Variants in GCGR observed in about 807,000 individuals in gnomAD.
GCGR encodes glucagon receptor.
GCGR carries 41 observed loss-of-function variants against 56.1 expected under a neutral mutation model. The observed-to-expected ratio is 0.73, with a 90% CI of 0.57 to 0.95. The LOEUF is 0.95. GCGR is among the 40% of genes least tolerant of loss of function. The pLI is 0.00. For missense variants in GCGR, 595 were observed against 638.2 expected (o/e 0.93, Z 0.73); for synonymous variants, 278 against 271.1 (o/e 1.03, Z -0.25).
chr17:81,811,161 G>A lies in GCGR; in HGVS notation c.393+30G>A, dbSNP rs773224259. 2.0e-6 allele frequency: 3 copies of A among 1,536,058 alleles called. No individual in the cohort carries two copies. The highest frequency in any genetic ancestry group is 2.4e-5 in the East Asian group (1 of 40,908). On this transcript the variant is annotated intron_variant, in intron 5 of 13. Coordinates refer to ENST00000400723, the MANE Select transcript of GCGR (RefSeq NM_000160.5). This position sits in a 1 kb window ranked among gnomAD's most constrained non-coding sequence, Gnocchi z 5.8. ...GTGGGCGGCAGGCAGGCGCGGTGGGGCTGGATGGGAACGGGCATGGGGGCC... is the reference window on the plus strand; with the variant it reads ...GTGGGCGGCAGGCAGGCGCGGTGGGACTGGATGGGAACGGGCATGGGGGCC...
In GCGR at chr17:81,813,398, A is replaced by C; in HGVS notation, c.1219-76A>C. On this transcript the variant is annotated intron_variant, in intron 13 of 13. Transcript: ENST00000400723. This position sits in a 1 kb window ranked among gnomAD's most constrained non-coding sequence, Gnocchi z 5.3. ...GAGCGGAGACTGGGCATCTCCGATG[A>C]GGCCCACAGCAGGTCCCGGTGGGGT... The C allele has an allele frequency of 1.5e-6, 2 of 1,346,368 alleles. No individual in the cohort carries two copies. Among genetic ancestry groups the C allele is most frequent in the Non-Finnish European group, 1.0e-6 (1 of 985,204 alleles). The allele number at this position is 1,346,368 out of a possible 1,614,324, so 83.4% of individuals were successfully genotyped here. A position where few individuals can be genotyped will look rare whatever the true frequency, so the allele number is the denominator to read the frequency against.
In GCGR at chr17:81,813,440, C is replaced by T; in HGVS notation, c.1219-34C>T. Reference sequence around the variant, plus strand: ...CGGTGGGGTGGAGAGGACAGGCAGGCCCTAGGACTGGCCTGCCCCGTCCCC... The same window carrying T: ...CGGTGGGGTGGAGAGGACAGGCAGGTCCTAGGACTGGCCTGCCCCGTCCCC... On this transcript the variant is annotated intron_variant, in intron 13 of 13. Transcript: ENST00000400723. This position sits in a 1 kb window ranked among gnomAD's most constrained non-coding sequence, Gnocchi z 5.3. 1 of 1,525,192 alleles carries T rather than the reference C, an allele frequency of 6.6e-7. No individual in the cohort carries two copies. Among genetic ancestry groups the T allele is most frequent in the Non-Finnish European group, 8.8e-7 (1 of 1,139,268 alleles). 94.5% of individuals were successfully genotyped at this position (1,525,192 alleles called of 1,614,324 possible). A position where few individuals can be genotyped will look rare whatever the true frequency, so the allele number is the denominator to read the frequency against.
At position 81,806,748 on chromosome 17, in the gene GCGR, C is replaced by A. The variant is rs1250289842; in HGVS notation, c.-177-2094C>A. 6.6e-6 allele frequency among the ~76,000 whole-genome samples: 1 copy of A among 151,608 alleles called. No homozygotes were observed. The highest frequency in any genetic ancestry group is 1.5e-5 in the Non-Finnish European group (1 of 67,906). On this transcript the variant is annotated intron_variant, in intron 1 of 13. Transcript: ENST00000400723. This position sits in a 1 kb window ranked among gnomAD's most constrained non-coding sequence, Gnocchi z 6.5. ...GGGCTGTCATTTTGCCCAGGGAGCT[C>A]CTGGCTGGGTGGTCCTCCCCCCAGG...
intron 1 of GCGR, among the ~76,000 whole-genome samples, chr17:81,805,856 C>A (rs144058183): frequency 6.6e-6 from 1 of 152,152 alleles, no homozygotes; most frequent in Non-Finnish European, 1.5e-5. Context: ...ACTGTGGCCC[C>A]GGGGAGCCCC....
Position 81,810,788 on chromosome 17 carries a change from C to CCTGCCCTGCT in GCGR, c.164-27_164-18dup, listed in dbSNP as rs758637304. The CCTGCCCTGCT allele has an allele frequency of 2.3e-5, 35 of 1,525,298 alleles. No individual in the cohort carries two copies. The South Asian group carries it at 2.7e-4, about 12-fold the overall frequency. 94.5% of individuals were successfully genotyped at this position (1,525,298 alleles called of 1,614,324 possible). On this transcript the variant is annotated intron_variant, in intron 3 of 13. Transcript: ENST00000400723. The surrounding 1 kb of genome is among the most constrained non-coding windows in gnomAD (Gnocchi z 4.6). ...GAGGGAGCCCCTTCTCCCACCCTGC[C>CCTGCCCTGCT]CTGCCCTGCTCTGCCCTGCCCTACC...
intron 1 of GCGR, 82 bp from the exon 2 acceptor site, chr17:81,808,760 C>T: frequency 1.8e-6 from 1 of 559,724 alleles, no homozygotes; most frequent in Non-Finnish European, 3.2e-6. Flanking sequence ...ACCTCGTGAT[C>T]CACCCCCCTC....
chr17:81,805,330 G>A (rs2037934804), intron 1 of GCGR: 2 of 153,710 alleles, frequency 1.3e-5, no homozygotes, highest in Non-Finnish European at 1.5e-5. Context: ...GAGGACATGG[G>A]ACAGGACACG....
chr17:81,809,119 G>A, intron 2 of GCGR, 41 bp downstream of exon 2: 1 of 1,528,454 alleles, frequency 6.5e-7, no homozygotes, highest in Non-Finnish European at 8.8e-7. Flanking sequence ...GGGCCCTCCT[G>A]TGAGGACTGC....
In GCGR at chr17:81,810,932, G is replaced by T; in HGVS notation, c.271G>T (p.Val91Leu). Reference sequence around the variant, plus strand: ...CTGGTACCTGCCTTGGCACCACAAAGGTACCCATAGAGGGGAGGAACTGTG... The same window carrying T: ...CTGGTACCTGCCTTGGCACCACAAATGTACCCATAGAGGGGAGGAACTGTG... ...CPWYLPWHHK[V>L]QHRFVFKRCG... Residue 91 changes from valine to leucine, a missense_variant and splice_region_variant, in exon 4 of 14, where the codon GTG (valine) becomes TTG (leucine). By Grantham distance (32) the Val-to-Leu change is conservative. Transcript: ENST00000400723. This position sits in a 1 kb window ranked among gnomAD's most constrained non-coding sequence, Gnocchi z 4.6. The T allele has an allele frequency of 6.5e-7, 1 of 1,536,450 alleles. No homozygotes were observed. The highest frequency in any genetic ancestry group is 2.4e-5 in the East Asian group (1 of 40,912).
At chr17:81,808,771 G>A (rs893200196) in intron 1 of GCGR, 71 bp from the exon 2 acceptor site, 23 of 567,212 alleles carry the variant, frequency 4.1e-5, no homozygotes, top group Non-Finnish European at 6.6e-5. Flanking sequence ...CACCCCCCTC[G>A]GCCTCCCAAA....
chr17:81,811,183 G>C lies in GCGR; in HGVS notation c.394-39G>C. On this transcript the variant is annotated intron_variant, in intron 5 of 13. Transcript: ENST00000400723. This position sits in a 1 kb window ranked among gnomAD's most constrained non-coding sequence, Gnocchi z 5.8. ...GGGGCTGGATGGGAACGGGCATGGG[G>C]GCCCCTGCCTGGCCCTCACAGGCCA... 6.5e-7 allele frequency: 1 copy of C among 1,536,112 alleles called. No homozygotes were observed. The highest frequency in any genetic ancestry group is 2.4e-5 in the East Asian group (1 of 40,918).
chr17:81,811,376 G>A lies in GCGR; in HGVS notation c.501-28G>A. ...GGCGGCCGCAGAGGACAGGGAGGAG[G>A]ACGGGCGCTGACTGGCTGTGCCCAC... is the stretch of plus-strand genomic sequence containing the variant. On this transcript the variant is annotated intron_variant, in intron 6 of 13. Coordinates refer to ENST00000400723, the MANE Select transcript of GCGR (RefSeq NM_000160.5). The surrounding 1 kb of genome is among the most constrained non-coding windows in gnomAD (Gnocchi z 5.8). The A allele has an allele frequency of 1.3e-6, 2 of 1,535,808 alleles. No individual in the cohort carries two copies. The highest frequency in any genetic ancestry group is 8.7e-7 in the Non-Finnish European group (1 of 1,146,464).
rs1458636561 is a variant in GCGR at position 81,813,035 on chromosome 17, T to C, written c.1196T>C (p.Leu399Pro). The change falls in exon 13 of 14, where the codon CTC becomes CCC. Residue 399 changes from leucine (L) to proline (P), a missense_variant. Coordinates refer to ENST00000400723, the MANE Select transcript of GCGR (RefSeq NM_000160.5). The surrounding 1 kb of genome is among the most constrained non-coding windows in gnomAD (Gnocchi z 5.3). ...SSFQGLLVAV[L>P]YCFLNKEVQS... ...CTCCAGGGCCTGCTGGTGGCTGTCC[T>C]CTACTGCTTCCTCAACAAGGAGGTA... 45 of 1,536,382 alleles carry C rather than the reference T, an allele frequency of 2.9e-5. No individual in the cohort carries two copies. The highest frequency in any genetic ancestry group is 3.8e-5 in the Non-Finnish European group (44 of 1,146,832).
At position 81,806,517 on chromosome 17, in the gene GCGR, C is replaced by A. The variant is rs1279931610; in HGVS notation, c.-178+2268C>A. Among the ~76,000 whole-genome samples, 1 of 152,204 alleles carries A rather than the reference C, an allele frequency of 6.6e-6. No individual in the cohort carries two copies. Among genetic ancestry groups the A allele is most frequent in the African/African-American group, 2.4e-5 (1 of 41,444 alleles). ...AAGAAAGGCCTGGGGGACTGGGCAG[C>A]CAACCCCTCCCTCGGCTCGCTGGGG... On this transcript the variant is annotated intron_variant, in intron 1 of 13. Transcript: ENST00000400723. This position sits in a 1 kb window ranked among gnomAD's most constrained non-coding sequence, Gnocchi z 6.5.
In GCGR at chr17:81,804,440, A is replaced by C. The variant is rs1423316230; in HGVS notation, c.-178+191A>C. ...CGTTCCCAACCCCGGCTCGGACACC[A>C]CCCGGTCCTGCACCGTCGGGCAGGT... On this transcript the variant is annotated intron_variant, in intron 1 of 13. Transcript: ENST00000400723. The surrounding 1 kb of genome is among the most constrained non-coding windows in gnomAD (Gnocchi z 8.2). Among the ~76,000 whole-genome samples the C allele has an allele frequency of 6.6e-6, 1 of 150,652 alleles. No individual in the cohort carries two copies.
chr17:81,812,790 A>C lies in GCGR; in HGVS notation c.1038-17A>C. On this transcript the variant is annotated splice_polypyrimidine_tract_variant and intron_variant, in intron 11 of 13. Transcript: ENST00000400723. This position sits in a 1 kb window ranked among gnomAD's most constrained non-coding sequence, Gnocchi z 8.5. Reference sequence around the variant, plus strand: ...CGAGGGTGGGGGCGGTGGGTGACTCAGGCGCTGCCTCTGCAGGCTGGCCAA... The same window carrying C: ...CGAGGGTGGGGGCGGTGGGTGACTCCGGCGCTGCCTCTGCAGGCTGGCCAA... 6.5e-7 allele frequency: 1 copy of C among 1,535,432 alleles called. No individual in the cohort carries two copies. The highest frequency in any genetic ancestry group is 8.7e-7 in the Non-Finnish European group (1 of 1,146,642).
chr17:81,804,827 C>G lies in GCGR; in HGVS notation c.-178+578C>G, dbSNP rs1290006592. ...GGGTCACTGCCCTGCCCGGCTCCGG[C>G]CCCCCCGGCGCCCCACCACCCGGCC... On this transcript the variant is annotated intron_variant, in intron 1 of 13. Coordinates refer to ENST00000400723, the MANE Select transcript of GCGR (RefSeq NM_000160.5). This position sits in a 1 kb window ranked among gnomAD's most constrained non-coding sequence, Gnocchi z 8.2. Among the ~76,000 whole-genome samples the G allele has an allele frequency of 6.6e-6, 1 of 152,010 alleles. No individual in the cohort carries two copies. The highest frequency in any genetic ancestry group is 2.4e-5 in the African/African-American group (1 of 41,408).
chr17:81,811,339 G>T lies in GCGR; in HGVS notation c.500+11G>T, dbSNP rs755693390. The T allele has an allele frequency of 6.5e-7, 1 of 1,534,586 alleles. No individual in the cohort carries two copies. The highest frequency in any genetic ancestry group is 8.7e-7 in the Non-Finnish European group (1 of 1,145,582). On this transcript the variant is annotated intron_variant, in intron 6 of 13. Transcript: ENST00000400723. The surrounding 1 kb of genome is among the most constrained non-coding windows in gnomAD (Gnocchi z 5.8). The stretch of plus-strand genomic sequence containing the variant: ...CCTGGGGGGCCTCAGGTAGGATTCC[G>T]CCAGCGCCCGGGGCGGCCGCAGAGG...
rs1208536998 is a variant in GCGR at position 81,811,311 on chromosome 17, C to T, written c.483C>T (p.Ala161=). ...LSLGALLLAL[A]ILGGLSKLHC... Reference sequence around the variant, plus strand: ...TGGGGGCCCTGCTCCTCGCCTTGGCCATCCTGGGGGGCCTCAGGTAGGATT... The same window carrying T: ...TGGGGGCCCTGCTCCTCGCCTTGGCTATCCTGGGGGGCCTCAGGTAGGATT... Residue 161 remains alanine, a synonymous_variant, in exon 6 of 14, where the codon GCC becomes GCT. Transcript: ENST00000400723. This position sits in a 1 kb window ranked among gnomAD's most constrained non-coding sequence, Gnocchi z 5.8. 1 of 1,535,264 alleles carries T rather than the reference C, an allele frequency of 6.5e-7. No individual in the cohort carries two copies. Among genetic ancestry groups the T allele is most frequent in the Non-Finnish European group, 8.7e-7 (1 of 1,146,078 alleles).
Sources: allele counts gnomAD v4.1 joint callset (sites outside exome capture counted in the v4.1 genomes callset), GRCh38; gene constraint gnomAD v4.1.1; non-coding constraint Gnocchi (gnomAD v3.1); transcripts MANE v1.5; gene names NCBI Gene and HGNC (gene_info 2026-07-23, HGNC 2026-07-21).